Variants in NCOR1 observed in about 807,000 individuals in gnomAD.
NCOR1 encodes protein phosphatase 1, regulatory subunit 109.
Under a neutral mutation model 288.1 loss-of-function variants are expected in NCOR1, and 63 were observed. That is an observed-to-expected ratio of 0.22 (90% CI 0.18 to 0.27). The LOEUF (loss-of-function observed/expected upper bound fraction) is 0.27. Ranked by LOEUF, NCOR1 falls within the 10% of genes least tolerant of loss-of-function variation. The pLI, the probability that NCOR1 is intolerant of heterozygous loss-of-function variation, is 1.00. For synonymous variants in NCOR1, 1,007 were observed against 1,065.9 expected (o/e 0.94, Z 1.08); for missense variants, 2,397 against 3,019.2 (o/e 0.79, Z 4.83).
At chr17:16,048,807 C>T (rs1597838189) in intron 41 of NCOR1, 38 bp downstream of exon 41, 22 of 1,548,824 alleles carry the variant, frequency 1.4e-5, no homozygotes, top group Middle Eastern at 1.7e-4. Flanking sequence ...TGAGCACCCA[C>T]GCCATGAATG....
chr17:16,179,976 A>C (rs886911390), intron 3 of NCOR1, among the ~76,000 whole-genome samples: 19 of 151,680 alleles, frequency 1.3e-4, no homozygotes, highest in Admixed American at 3.9e-4. Flanking sequence ...AAAAAAAAAA[A>C]AAACAAACCT....
At chr17:16,063,154 C>T (rs2060717689) in intron 35 of NCOR1, among the ~76,000 whole-genome samples, 1 of 152,048 alleles carries the variant, frequency 6.6e-6, no homozygotes, top group Admixed American at 6.5e-5. Context: ...CATTCATCAG[C>T]TTATATGAAT....
chr17:16,104,084 T>C (rs902383052), intron 19 of NCOR1, among the ~76,000 whole-genome samples: 1 of 152,252 alleles, frequency 6.6e-6, no homozygotes, highest in Non-Finnish European at 1.5e-5. Flanking sequence ...ATGTACTAGT[T>C]ACAGTTACAA....
chr17:16,121,762 T>C (rs868449400), intron 15 of NCOR1, among the ~76,000 whole-genome samples: 12 of 152,204 alleles, frequency 7.9e-5, no homozygotes, highest in African/African-American at 2.9e-4. Context: ...ACAATATTGT[T>C]TTATAAAATC....
chr17:16,095,423 C>T (rs1421176290), intron 21 of NCOR1, among the ~76,000 whole-genome samples: 8 of 150,472 alleles, frequency 5.3e-5, no homozygotes, highest in Non-Finnish European at 8.9e-5. Context: ...GGCCAGCCGC[C>T]CCATCCGGGA....
chr17:16,082,213 G>A (rs774001512), intron 23 of NCOR1, among the ~76,000 whole-genome samples: 6 of 151,938 alleles, frequency 3.9e-5, no homozygotes, highest in South Asian at 2.1e-4. Context: ...GTGGGGGTGG[G>A]GGGGATCCAA....
At chr17:16,060,106 A>AATGG (rs1211949167) in intron 37 of NCOR1, among the ~76,000 whole-genome samples, 1 of 152,210 alleles carries the variant, frequency 6.6e-6, no homozygotes, top group East Asian at 1.9e-4. Flanking sequence ...AGACTATGGC[A>AATGG]ATGGACCTCC....
chr17:16,156,142 TAAAAG>T, intron 6 of NCOR1, among the ~76,000 whole-genome samples: 1 of 151,474 alleles, frequency 6.6e-6, no homozygotes, highest in South Asian at 2.1e-4. Context: ...AAAGAAGGAA[TAAAAG>T]AAAAGAGGCC....
Position 16,138,118 on chromosome 17 carries a change from C to A in NCOR1, c.1407+40G>T, listed in dbSNP as rs2076684840. 3 of 1,546,386 alleles carry A rather than the reference C, an allele frequency of 1.9e-6. No homozygotes were observed. The South Asian group carries it at 3.5e-5, about 18-fold the overall frequency. ...ACAAGAATTTCAAAGTAACAACCAT[C>A]ACAAACCTACAAACACTCCCAATGC... On this transcript the variant is annotated intron_variant, in intron 13 of 45. Coordinates refer to ENST00000268712, the MANE Select transcript of NCOR1 (RefSeq NM_006311.4).
At chr17:16,177,909 T>G (rs1165500379) in intron 3 of NCOR1, among the ~76,000 whole-genome samples, 1 of 152,192 alleles carries the variant, frequency 6.6e-6, no homozygotes, top group African/African-American at 2.4e-5. Context: ...TTAATTTTCT[T>G]TTTAAAAAAC....
intron 1 of NCOR1, among the ~76,000 whole-genome samples, chr17:16,195,245 T>C (rs1600356261): frequency 6.6e-6 from 1 of 151,886 alleles, no homozygotes; most frequent in African/African-American, 2.4e-5. Context: ...CTGAGGTAGG[T>C]GGATCACTTG....
chr17:16,053,503 C>T (rs1004009229), intron 40 of NCOR1, among the ~76,000 whole-genome samples: 1 of 151,912 alleles, frequency 6.6e-6, no homozygotes, highest in Non-Finnish European at 1.5e-5. Flanking sequence ...AAGATCTCTA[C>T]AAGGGGAACT....
At chr17:16,083,922 T>C (rs1325207183) in intron 23 of NCOR1, 2 of 151,250 alleles carry the variant, frequency 1.3e-5, no homozygotes, top group East Asian at 3.9e-4. Context: ...ATAAATGAAG[T>C]GGCGAAAGAA....
chr17:16,175,366 T>G (rs982878129), intron 3 of NCOR1, among the ~76,000 whole-genome samples: 3 of 151,908 alleles, frequency 2.0e-5, no homozygotes, highest in African/African-American at 4.8e-5. Flanking sequence ...CCAGACTCAT[T>G]TGTCTTTTAA....
chr17:16,057,856 C>T (rs1305351055), intron 39 of NCOR1, 51 bp downstream of exon 39: 2 of 1,529,914 alleles, frequency 1.3e-6, no homozygotes, highest in South Asian at 1.3e-5. Flanking sequence ...AATCTGCTTT[C>T]CCCATGATCA....
At chr17:16,047,163 A>G (rs2058764420) in intron 41 of NCOR1, 70 bp from the exon 42 acceptor site, 1 of 1,472,028 alleles carries the variant, frequency 6.8e-7, no homozygotes, top group South Asian at 1.4e-5. Flanking sequence ...TATCAATGAT[A>G]ACAACAGTCA....
At chr17:16,201,760 A>ACACT (rs981691906) in intron 1 of NCOR1, among the ~76,000 whole-genome samples, 8 of 152,064 alleles carry the variant, frequency 5.3e-5, no homozygotes, top group African/African-American at 1.2e-4. Flanking sequence ...GAACTGAACA[A>ACACT]CACTCACTCA....
intron 42 of NCOR1, among the ~76,000 whole-genome samples, chr17:16,043,215 A>C (rs919375479): frequency 3.9e-5 from 6 of 152,240 alleles, no homozygotes; most frequent in African/African-American, 1.4e-4. Flanking sequence ...TTTCAAAAAA[A>C]TAAAGTCACT....
intron 14 of NCOR1, among the ~76,000 whole-genome samples, chr17:16,135,864 A>C (rs2076318717): frequency 6.6e-6 from 1 of 152,226 alleles, no homozygotes; most frequent in Non-Finnish European, 1.5e-5. Context: ...AAACGAAGAA[A>C]GGGAGTAAGA....
Sources: gnomAD v4.1 joint callset for allele counts (sites outside exome capture counted in the v4.1 genomes callset) on GRCh38, gnomAD v4.1.1 for gene constraint, MANE v1.5 for transcripts, NCBI Gene and HGNC (gene_info 2026-07-23, HGNC 2026-07-21) for gene names.